ACP3: variants seen among roughly 807,000 people sequenced by gnomAD.
ACP3 encodes the protein prostatic acid phosphatase.
A neutral mutation model predicts 45.6 loss-of-function variants in ACP3; 38 were observed. The observed-to-expected ratio is 0.83, with a 90% CI of 0.64 to 1.09. The LOEUF (loss-of-function observed/expected upper bound fraction) is 1.09. ACP3 is among the 50% of genes least tolerant of loss of function. The probability of loss-of-function intolerance (pLI) is 0.00; values close to 1 mark genes in which losing one functional copy is unlikely to be tolerated. For synonymous variants in ACP3, 162 were observed against 164.7 expected (o/e 0.98, Z 0.13); for missense variants, 466 against 463.2 (o/e 1.01, Z -0.05).
At chr3:132,359,792 C>G (rs554774862), downstream of ACP3, among the ~76,000 whole-genome samples, 68 of 152,274 alleles carry the variant, frequency 4.5e-4, no homozygotes, top group Non-Finnish European at 5.7e-4. Context: ...TGCTGCAGCC[C>G]GCTCATACAG....
At chr3:132,351,988 T>G (rs114323491) in intron 8 of ACP3, among the ~76,000 whole-genome samples, 1,680 of 152,292 alleles carry the variant, frequency 0.011, 35 homozygotes, top group African/African-American at 0.038. Context: ...CATTTAAACC[T>G]CATATATTCT....
At chr3:132,359,501 C>G (rs548274094), downstream of ACP3, among the ~76,000 whole-genome samples, 1 of 150,118 alleles carries the variant, frequency 6.7e-6, no homozygotes, top group African/African-American at 2.5e-5. Flanking sequence ...GAGCGAGACT[C>G]TGTCTAAATA....
At position 132,358,586 on chromosome 3, in the gene ACP3, C is replaced by T. The variant is rs888671047; in HGVS notation, c.*1708C>T. The T allele has an allele frequency of 2.8e-5, 31 of 1,112,080 alleles. No individual in the cohort carries two copies. Among genetic ancestry groups the T allele is most frequent in the South Asian group, 6.3e-5 (3 of 47,970 alleles). 68.9% of individuals were successfully genotyped at this position (1,112,080 alleles called of 1,614,324 possible). A position where few individuals can be genotyped will look rare whatever the true frequency, so the allele number is the denominator to read the frequency against. On this transcript the variant is annotated 3_prime_UTR_variant, in exon 10 of 10. Coordinates refer to ENST00000336375, the MANE Select transcript of ACP3 (RefSeq NM_001099.5). ...CCAGAATCTAGAGCAAAGCCATCCCCGCTCCTGGTTGGTCACAGAATGACT... is the reference window on the plus strand; with the variant it reads ...CCAGAATCTAGAGCAAAGCCATCCCTGCTCCTGGTTGGTCACAGAATGACT...
rs766147532 is a variant in ACP3, at chr3:132,342,537, CTGTT to C, written c.556-11_556-8del. ...AACCTGTGTAGGAATTTTTCTTTCTCTGTTTGTGTTTCAGGATTTTATAGCTACC... is the reference window on the plus strand; with the variant it reads ...AACCTGTGTAGGAATTTTTCTTTCTCTGTGTTTCAGGATTTTATAGCTACC... On this transcript the variant is annotated splice_polypyrimidine_tract_variant and intron_variant, in intron 5 of 9. Transcript: ENST00000336375. The C allele has an allele frequency of 1.3e-6, 2 of 1,573,798 alleles. No homozygotes were observed. The highest frequency in any genetic ancestry group is 1.7e-6 in the Non-Finnish European group (2 of 1,154,280).
chr3:132,341,091 T>A (rs1274715407), intron 5 of ACP3, among the ~76,000 whole-genome samples: 1 of 152,146 alleles, frequency 6.6e-6, no homozygotes, highest in Non-Finnish European at 1.5e-5. Flanking sequence ...TGTTTCAGGT[T>A]TACAGTATCT....
intron 10 of ACP3, among the ~76,000 whole-genome samples, chr3:132,365,745 T>C (rs1187345462): frequency 6.7e-6 from 1 of 148,360 alleles, no homozygotes; most frequent in African/African-American, 2.4e-5. Context: ...CTTTGGGAGG[T>C]GCAGGTGGTG....
intron 5 of ACP3, among the ~76,000 whole-genome samples, chr3:132,338,980 A>G (rs140472150): frequency 1.3e-5 from 2 of 152,298 alleles, no homozygotes; most frequent in Non-Finnish European, 2.9e-5. Context: ...TCACCCAGGT[A>G]TAAAGCCTAG....
At chr3:132,356,002 C>T (rs1240521747) in intron 9 of ACP3, among the ~76,000 whole-genome samples, 2 of 152,202 alleles carry the variant, frequency 1.3e-5, no homozygotes, top group Non-Finnish European at 2.9e-5. Flanking sequence ...CCATAAGCAA[C>T]TCACGCTGGT....
chr3:132,365,694 T>C (rs1395358214), intron 10 of ACP3, among the ~76,000 whole-genome samples: 1 of 152,138 alleles, frequency 6.6e-6, no homozygotes, highest in Non-Finnish European at 1.5e-5. Context: ...TAAAAATGGA[T>C]TGTGGTCCAG....
intron 6 of ACP3, among the ~76,000 whole-genome samples, chr3:132,343,689 C>G (rs1159090211): frequency 2.6e-5 from 4 of 152,286 alleles, no homozygotes; most frequent in African/African-American, 9.6e-5. Flanking sequence ...TTAATCCTGC[C>G]TTTGAAACTG....
intron 1 of ACP3, among the ~76,000 whole-genome samples, chr3:132,327,514 GA>G (rs111653948): frequency 0.02 from 2,628 of 130,624 alleles, 80 homozygotes; most frequent in African/African-American, 0.067. Context: ...ACTCAGTCTC[GA>G]AAAAAAAAAA....
At chr3:132,352,589 C>T in intron 8 of ACP3, 131 bp from the exon 9 acceptor site, 1 of 656,060 alleles carries the variant, frequency 1.5e-6, no homozygotes, top group Non-Finnish European at 2.7e-6. Flanking sequence ...CTTTCCTTCT[C>T]TACTTATTAA....
chr3:132,331,568 A>C, intron 2 of ACP3, 79 bp from the exon 3 acceptor site: 1 of 1,181,940 alleles, frequency 8.5e-7, no homozygotes, highest in Non-Finnish European at 1.2e-6. Flanking sequence ...TAATGAAAAA[A>C]AAAATCAACA....
intron 7 of ACP3, among the ~76,000 whole-genome samples, chr3:132,348,013 G>GT (rs1172995795): frequency 6.6e-6 from 1 of 152,138 alleles, no homozygotes; most frequent in Non-Finnish European, 1.5e-5. Flanking sequence ...TGTAAATAAA[G>GT]TTTTATTGAA....
In ACP3 at chr3:132,346,583, A is replaced by G. The variant is rs111677117; in HGVS notation, c.781+1524A>G. Among the ~76,000 whole-genome samples, 1,141 of 152,286 alleles carry G rather than the reference A, an allele frequency of 7.5e-3. 16 individuals are homozygous for G. Among genetic ancestry groups the G allele is most frequent in the African/African-American group, 0.026 (1,067 of 41,550 alleles). On this transcript the variant is annotated intron_variant, in intron 7 of 9. Coordinates refer to ENST00000336375, the MANE Select transcript of ACP3 (RefSeq NM_001099.5). ...GAAAAAATTACCAGGCGGGATACAG[A>G]CTGTGTCTATGGGCAGAACCCAGGA... is the stretch of plus-strand genomic sequence containing the variant.
chr3:132,340,714 G>A (rs981391696), intron 5 of ACP3, among the ~76,000 whole-genome samples: 2 of 151,852 alleles, frequency 1.3e-5, no homozygotes, highest in Admixed American at 1.3e-4. Flanking sequence ...ATAGGTGTGG[G>A]GTCTATTTAT....
intron 4 of ACP3, among the ~76,000 whole-genome samples, chr3:132,336,807 A>G (rs1937498528): frequency 6.6e-6 from 1 of 152,212 alleles, no homozygotes; most frequent in Non-Finnish European, 1.5e-5. Flanking sequence ...ACAGATGGAA[A>G]GTAAGGGCAA....
intron 1 of ACP3, among the ~76,000 whole-genome samples, chr3:132,325,540 T>C (rs1049120866): frequency 6.6e-6 from 1 of 150,666 alleles, no homozygotes; most frequent in African/African-American, 2.5e-5. Flanking sequence ...TATACATAGT[T>C]CACAGTGCCT....
intron 4 of ACP3, among the ~76,000 whole-genome samples, chr3:132,333,684 A>G (rs938262832): frequency 2.0e-5 from 3 of 152,180 alleles, no homozygotes; most frequent in African/African-American, 7.2e-5. Flanking sequence ...TCACAGAATC[A>G]TGAGGGAAGT....
Sources: gnomAD v4.1 joint callset for allele counts (sites outside exome capture counted in the v4.1 genomes callset) on GRCh38, gnomAD v4.1.1 for gene constraint, MANE v1.5 for transcripts, NCBI Gene and HGNC (gene_info 2026-07-23, HGNC 2026-07-21) for gene names.